Variants in TSPAN9 observed in about 807,000 individuals in gnomAD.
TSPAN9 encodes tetraspanin-9.
TSPAN9 carries 16 observed loss-of-function variants against 31.0 expected under a neutral mutation model. That is an observed-to-expected ratio of 0.52 (90% confidence interval 0.35 to 0.78). TSPAN9 has a LOEUF of 0.78. TSPAN9 is among the 30% of genes least tolerant of loss of function. The pLI is 0.01. For missense variants in TSPAN9, 272 were observed against 312.5 expected (o/e 0.87, Z 0.98); for synonymous variants, 145 against 121.6 (o/e 1.19, Z -1.27).
intron 2 of TSPAN9, among the ~76,000 whole-genome samples, chr12:3,141,839 G>T (rs1041781696): frequency 9.9e-5 from 15 of 152,260 alleles, no homozygotes; most frequent in African/African-American, 3.6e-4. Flanking sequence ...TTTCCCCTTT[G>T]CAGGAATAGC....
At chr12:3,099,466 T>C (rs1236928304) in intron 2 of TSPAN9, among the ~76,000 whole-genome samples, 1 of 152,256 alleles carries the variant, frequency 6.6e-6, no homozygotes, top group African/African-American at 2.4e-5. Flanking sequence ...TTATTTCATC[T>C]TTATCTACTA....
At chr12:3,257,129 A>G (rs1245650766) in intron 3 of TSPAN9, among the ~76,000 whole-genome samples, 1 of 152,022 alleles carries the variant, frequency 6.6e-6, no homozygotes, top group African/African-American at 2.4e-5. Context: ...CCTTATAGGC[A>G]AGAGCAGAAA....
At chr12:3,114,606 G>A (rs2098321157) in intron 2 of TSPAN9, among the ~76,000 whole-genome samples, 1 of 152,112 alleles carries the variant, frequency 6.6e-6, no homozygotes, top group Non-Finnish European at 1.5e-5. Flanking sequence ...ACTTTGGGAG[G>A]CTGAGGCGGG....
At chr12:3,263,007 T>C (rs1423984790) in intron 3 of TSPAN9, among the ~76,000 whole-genome samples, 3 of 152,182 alleles carry the variant, frequency 2.0e-5, no homozygotes, top group African/African-American at 7.2e-5. Context: ...GCAGCACGTC[T>C]CAGGCCCAGC....
chr12:3,261,703 C>T (rs1002482841), intron 3 of TSPAN9, among the ~76,000 whole-genome samples: 12 of 152,274 alleles, frequency 7.9e-5, no homozygotes, highest in Middle Eastern at 3.4e-3. Context: ...ACGTGGGCAC[C>T]CTGTTCAGGA....
chr12:3,267,825 G>A (rs3782770), intron 3 of TSPAN9, among the ~76,000 whole-genome samples: 3 of 152,146 alleles, frequency 2.0e-5, no homozygotes, highest in Non-Finnish European at 2.9e-5. Flanking sequence ...CTGGGCAGCC[G>A]TGGCTCTGGG....
At chr12:3,124,872 A>G (rs1328783031) in intron 2 of TSPAN9, 1 of 152,148 alleles carries the variant, frequency 6.6e-6, no homozygotes, top group African/African-American at 2.4e-5. Flanking sequence ...AGCCTAGGCA[A>G]CATAGTGAGA....
In TSPAN9 at chr12:3,139,001, CCTGAGGAGGGTTTCT is replaced by C. The variant is rs1323302420; in HGVS notation, c.-18+55286_-18+55300del. Reference sequence around the variant, plus strand: ...GCCCAGGGCTACAGGCTGTGGACGCCCTGAGGAGGGTTTCTCTGGGCCTGCTCCCCCACCCTCCCT... The same window carrying C: ...GCCCAGGGCTACAGGCTGTGGACGCCCTGGGCCTGCTCCCCCACCCTCCCT... On this transcript the variant is annotated intron_variant, in intron 2 of 8. Transcript: ENST00000011898. Among the ~76,000 whole-genome samples the C allele has an allele frequency of 5.9e-5, 9 of 152,256 alleles. No individual in the cohort carries two copies. The East Asian group carries it at 1.7e-3, about 30-fold the overall frequency.
intron 3 of TSPAN9, among the ~76,000 whole-genome samples, chr12:3,262,170 C>T (rs1207162591): frequency 1.3e-5 from 2 of 152,208 alleles, no homozygotes; most frequent in African/African-American, 2.4e-5. Context: ...GGCACTGCTC[C>T]CTGTTTGTTT....
At chr12:3,276,851 C>T (rs1054221948) in intron 3 of TSPAN9, among the ~76,000 whole-genome samples, 14 of 152,126 alleles carry the variant, frequency 9.2e-5, no homozygotes, top group East Asian at 3.9e-4. Flanking sequence ...GAGGAATAAG[C>T]GAAGGAGATG....
At chr12:3,109,287 TGTGTGTGTGTGTGAGAGAGA>T (rs1485256931) in intron 2 of TSPAN9, among the ~76,000 whole-genome samples, 3 of 131,158 alleles carry the variant, frequency 2.3e-5, no homozygotes, top group South Asian at 2.3e-4. Flanking sequence ...TGTGTGTGTG[TGTGTGTGTGTGTGAGAGAGA>T]GTGTGTGTGT....
At chr12:3,198,444 ACACCAGCACAGGCCAC>A (rs1380701656) in intron 2 of TSPAN9, among the ~76,000 whole-genome samples, 14 of 79,050 alleles carry the variant, frequency 1.8e-4, no homozygotes, top group South Asian at 1.2e-3. Flanking sequence ...AGCACAGGTC[ACACCAGCACAGGCCAC>A]CACCAGCACA....
At chr12:3,149,623 G>A (rs1173435681) in intron 2 of TSPAN9, among the ~76,000 whole-genome samples, 2 of 152,162 alleles carry the variant, frequency 1.3e-5, no homozygotes, top group Non-Finnish European at 2.9e-5. Flanking sequence ...AAGGCCCTAG[G>A]GGAGAGGCAC....
At chr12:3,152,530 G>A (rs1054061116) in intron 2 of TSPAN9, among the ~76,000 whole-genome samples, 7 of 152,342 alleles carry the variant, frequency 4.6e-5, no homozygotes, top group Non-Finnish European at 7.3e-5. Flanking sequence ...AGTCTTGGGG[G>A]AGAATGCTGG....
intron 2 of TSPAN9, among the ~76,000 whole-genome samples, chr12:3,178,850 C>G (rs1275955102): frequency 1.3e-5 from 2 of 152,168 alleles, no homozygotes; most frequent in South Asian, 4.1e-4. Flanking sequence ...GGTTAGCTTT[C>G]TGGGCATTCT....
At chr12:3,128,024 A>G (rs1450508914) in intron 2 of TSPAN9, among the ~76,000 whole-genome samples, 1 of 152,198 alleles carries the variant, frequency 6.6e-6, no homozygotes, top group Non-Finnish European at 1.5e-5. Flanking sequence ...TACGACACCT[A>G]TGATGTCACT....
chr12:3,206,072 G>T (rs1486743522), intron 3 of TSPAN9, among the ~76,000 whole-genome samples: 1 of 152,182 alleles, frequency 6.6e-6, no homozygotes, highest in Non-Finnish European at 1.5e-5. Context: ...TGAGGAAGGG[G>T]CCGCTGGGCC....
rs1479346509 is a variant in TSPAN9, at chr12:3,285,292, G to GC, written c.*2178dup. On this transcript the variant is annotated 3_prime_UTR_variant, in exon 9 of 9. Coordinates refer to ENST00000011898, the MANE Select transcript of TSPAN9 (RefSeq NM_006675.5). ...GGGTGGGGTGGGTGGGTTGGTTTAT[G>GC]CCTATCAATGCAATTTTTAATTTTT... 1 of 152,162 alleles carries GC rather than the reference G, an allele frequency of 6.6e-6. No homozygotes were observed. The highest frequency in any genetic ancestry group is 1.5e-5 in the Non-Finnish European group (1 of 68,024). 9.4% of individuals were successfully genotyped at this position (152,162 alleles called of 1,614,324 possible). A position where few individuals can be genotyped will look rare whatever the true frequency, so the allele number is the denominator to read the frequency against.
chr12:3,162,805 C>T (rs935501134), intron 2 of TSPAN9, among the ~76,000 whole-genome samples: 1 of 152,184 alleles, frequency 6.6e-6, no homozygotes, highest in Non-Finnish European at 1.5e-5. Context: ...TACATGTCGC[C>T]CTTCTCTCCC....
Sources: gnomAD v4.1 joint callset for allele counts (sites outside exome capture counted in the v4.1 genomes callset) on GRCh38, gnomAD v4.1.1 for gene constraint, MANE v1.5 for transcripts, NCBI Gene and HGNC (gene_info 2026-07-23, HGNC 2026-07-21) for gene names.